Variants in SCN8A observed in about 807,000 individuals in gnomAD.
The protein encoded by SCN8A is sodium channel protein type 8 subunit alpha.
A neutral mutation model predicts 184.1 loss-of-function variants in SCN8A; 30 were observed. That is an observed-to-expected ratio of 0.16 (90% CI 0.12 to 0.22). SCN8A has a LOEUF of 0.22. Among genes scored for constraint, SCN8A ranks in the 10% least tolerant of loss-of-function variants. The pLI, the probability that SCN8A is intolerant of heterozygous loss-of-function variation, is 1.00. For synonymous variants in SCN8A, 852 were observed against 907.0 expected, an observed-to-expected ratio of 0.94 and a Z score of 1.09; for missense variants, 1,057 against 2,498.9, an observed-to-expected ratio of 0.42 and a Z score of 12.30.
intron 12 of SCN8A, 78 bp downstream of exon 12, chr12:51,721,986 C>T (rs754493364): frequency 3.4e-5 from 55 of 1,597,540 alleles, no homozygotes; most frequent in Non-Finnish European, 4.5e-5. Flanking sequence ...TGGCAGTCTC[C>T]CCCGCTCCTT....
At chr12:51,770,160 G>A in intron 18 of SCN8A, 175 bp downstream of exon 18, 2 of 607,686 alleles carry the variant, frequency 3.3e-6, no homozygotes, top group South Asian at 2.1e-5. Flanking sequence ...TATCTGACAA[G>A]TATATAACAA....
intron 12 of SCN8A, among the ~76,000 whole-genome samples, chr12:51,734,216 G>A (rs1056638261): frequency 1.3e-5 from 2 of 152,070 alleles, no homozygotes; most frequent in African/African-American, 4.8e-5. Context: ...CAGCTCGGTT[G>A]GGGAGACCCT....
intron 1 of SCN8A, among the ~76,000 whole-genome samples, chr12:51,639,205 C>G (rs1239418445): frequency 6.6e-6 from 1 of 152,006 alleles, no homozygotes; most frequent in Non-Finnish European, 1.5e-5. Flanking sequence ...TCTTGAACTC[C>G]TGGGCTCAAG....
chr12:51,686,248 C>A, intron 3 of SCN8A, 120 bp from the exon 4 acceptor site: 2 of 686,876 alleles, frequency 2.9e-6, no homozygotes, highest in Non-Finnish European at 5.1e-6. Context: ...TTTTTCTCTT[C>A]TGTGCTTCAT....
chr12:51,641,265 A>C (rs547799688), intron 1 of SCN8A, among the ~76,000 whole-genome samples: 2 of 152,244 alleles, frequency 1.3e-5, no homozygotes, highest in Non-Finnish European at 2.9e-5. Context: ...TTTACATAAG[A>C]GACTTGAGCA....
chr12:51,618,452 C>A (rs1269582405), intron 1 of SCN8A, among the ~76,000 whole-genome samples: 1 of 137,330 alleles, frequency 7.3e-6, no homozygotes, highest in Non-Finnish European at 1.5e-5. Context: ...CAAGAGATAC[C>A]AGAGCAACAC....
At position 51,786,586 on chromosome 12, in the gene SCN8A, T is replaced by C. The variant is rs1227401031; in HGVS notation, c.3987T>C (p.Asn1329=). 1.1e-5 allele frequency: 17 copies of C among 1,614,224 alleles called. No individual in the cohort carries two copies. Among genetic ancestry groups the C allele is most frequent in the Non-Finnish European group, 1.4e-5 (16 of 1,180,034 alleles). Residue 1329 remains asparagine, a synonymous_variant, in exon 22 of 27, where the codon AAT becomes AAC. Coordinates refer to ENST00000627620, the MANE Select transcript of SCN8A (RefSeq NM_001330260.2). ...TGGGCGCCATCCCCTCCATCATGAATGTGCTGCTGGTGTGTCTCATCTTCT... is the reference window on the plus strand; with the variant it reads ...TGGGCGCCATCCCCTCCATCATGAACGTGCTGCTGGTGTGTCTCATCTTCT... ...ALVGAIPSIM[N]VLLVCLIFWL...
intron 25 of SCN8A, 45 bp downstream of exon 25, chr12:51,790,547 G>T: frequency 7.8e-7 from 1 of 1,288,950 alleles, no homozygotes; most frequent in East Asian, 2.4e-5. Context: ...AACCCATATA[G>T]GAAAAGTACT....
At chr12:51,774,002 T>C (rs1942969966) in intron 19 of SCN8A, among the ~76,000 whole-genome samples, 187 bp from the exon 20 acceptor site, 1 of 152,220 alleles carries the variant, frequency 6.6e-6, no homozygotes, top group African/African-American at 2.4e-5. Flanking sequence ...AATTTTATGA[T>C]GTGTGGATTG....
At chr12:51,716,155 G>A (rs934345750) in intron 11 of SCN8A, among the ~76,000 whole-genome samples, 2 of 135,052 alleles carry the variant, frequency 1.5e-5, no homozygotes, top group Non-Finnish European at 1.6e-5. Context: ...GCAACATGGC[G>A]AAACCCTGTA....
chr12:51,701,091 T>C, intron 7 of SCN8A, 53 bp from the exon 8 acceptor site: 3 of 1,222,284 alleles, frequency 2.5e-6, no homozygotes, highest in Non-Finnish European at 3.6e-6. Context: ...AACCTTATTC[T>C]CTCATTCACT....
intron 3 of SCN8A, among the ~76,000 whole-genome samples, 197 bp downstream of exon 3, chr12:51,684,489 G>A (rs2138708565): frequency 6.6e-6 from 1 of 152,128 alleles, no homozygotes; most frequent in Middle Eastern, 3.4e-3. Context: ...TTTTTTCTTA[G>A]GATGATATTG....
At chr12:51,792,063 T>A (rs924365064) in intron 25 of SCN8A, among the ~76,000 whole-genome samples, 1 of 152,066 alleles carries the variant, frequency 6.6e-6, no homozygotes, top group Non-Finnish European at 1.5e-5. Context: ...AATAAATAAG[T>A]AAGCAAACAG....
intron 12 of SCN8A, among the ~76,000 whole-genome samples, chr12:51,723,847 TAA>T (rs34404145): frequency 8.2e-4 from 122 of 148,544 alleles, no homozygotes; most frequent in Admixed American, 9.3e-4. Context: ...GACTCCATCT[TAA>T]AAAAAAAAAA....
intron 2 of SCN8A, among the ~76,000 whole-genome samples, chr12:51,665,856 G>GT (rs1277441320): frequency 2.0e-5 from 3 of 152,160 alleles, no homozygotes; most frequent in Admixed American, 6.5e-5. Flanking sequence ...AAGGTCAGGA[G>GT]TTTGAGACCA....
chr12:51,628,936 C>G (rs1940137410), intron 1 of SCN8A, among the ~76,000 whole-genome samples: 1 of 152,076 alleles, frequency 6.6e-6, no homozygotes, highest in South Asian at 2.1e-4. Flanking sequence ...GCTCTTAAAC[C>G]TAGATAAACA....
chr12:51,796,370 T>C (rs1478130273), intron 26 of SCN8A, among the ~76,000 whole-genome samples: 1 of 152,182 alleles, frequency 6.6e-6, no homozygotes, highest in East Asian at 1.9e-4. Context: ...TGTCCACTGC[T>C]CTTGAAACTT....
At chr12:51,735,371 C>T (rs546546465) in intron 12 of SCN8A, among the ~76,000 whole-genome samples, 1 of 152,234 alleles carries the variant, frequency 6.6e-6, no homozygotes, top group East Asian at 1.9e-4. Flanking sequence ...TAAACAAGTA[C>T]GTTCATTTTT....
intron 12 of SCN8A, among the ~76,000 whole-genome samples, chr12:51,734,836 GCA>G (rs2138807505): frequency 6.6e-6 from 1 of 152,340 alleles, no homozygotes; most frequent in Non-Finnish European, 1.5e-5. Context: ...TAGATTAAAA[GCA>G]CAGTCATCAT....
Sources: allele counts gnomAD v4.1 joint callset (sites outside exome capture counted in the v4.1 genomes callset), GRCh38; gene constraint gnomAD v4.1.1; transcripts MANE v1.5; gene names NCBI Gene and HGNC (gene_info 2026-07-23, HGNC 2026-07-21).